The following UBAP1 variants were observed in gnomAD, a reference collection of about 807,000 sequenced individuals.
UBAP1 encodes ubiquitin associated protein 1, also known as ubiquitin-associated protein 1.
Under a neutral mutation model 39.0 loss-of-function variants are expected in UBAP1, and 5 were observed. The ratio of observed to expected loss-of-function variants is 0.13; its 90% CI spans 0.07 to 0.27. The LOEUF (loss-of-function observed/expected upper bound fraction) is 0.27, where lower values mean the gene tolerates loss of function less well. Ranked by LOEUF, UBAP1 falls within the 10% of genes least tolerant of loss-of-function variation. The probability of loss-of-function intolerance (pLI) is 1.00; values close to 1 mark genes in which losing one functional copy is unlikely to be tolerated. For missense variants in UBAP1, 490 were observed against 608.1 expected, an observed-to-expected ratio of 0.81 and a Z score of 2.04; for synonymous variants, 211 against 225.1, an observed-to-expected ratio of 0.94 and a Z score of 0.56.
intron 1 of UBAP1, among the ~76,000 whole-genome samples, chr9:34,203,555 A>G (rs1831518699): frequency 6.6e-6 from 1 of 152,202 alleles, no homozygotes. Flanking sequence ...GAAGACAGAC[A>G]ATAAACAAAT....
chr9:34,211,222 T>G (rs983321398), intron 1 of UBAP1, among the ~76,000 whole-genome samples: 1 of 152,176 alleles, frequency 6.6e-6, no homozygotes, highest in Non-Finnish European at 1.5e-5. Context: ...ATGAGGGAGC[T>G]GAGGCTCCAA....
chr9:34,181,633 TGG>T, intron 1 of UBAP1, among the ~76,000 whole-genome samples: 1 of 143,282 alleles, frequency 7.0e-6, no homozygotes, highest in East Asian at 2.3e-4. Flanking sequence ...GGGGTTTCAC[TGG>T]GTTAGCCAGG....
chr9:34,211,794 C>T (rs1474238143), intron 1 of UBAP1, among the ~76,000 whole-genome samples: 1 of 152,150 alleles, frequency 6.6e-6, no homozygotes. Flanking sequence ...CTGCATTTCT[C>T]TTGTTACCTG....
At chr9:34,247,655 C>T (rs1333642455) in intron 4 of UBAP1, among the ~76,000 whole-genome samples, 6 of 152,096 alleles carry the variant, frequency 3.9e-5, no homozygotes, top group Non-Finnish European at 5.9e-5. Flanking sequence ...AACTCCCGAC[C>T]TCAGGTGGTC....
At chr9:34,250,889 G>A in intron 6 of UBAP1, 130 bp downstream of exon 6, 1 of 769,764 alleles carries the variant, frequency 1.3e-6, no homozygotes. Context: ...TATTTGAAGG[G>A]CAGAATCTCC....
chr9:34,204,917 G>A (rs1203039813), intron 1 of UBAP1, among the ~76,000 whole-genome samples: 2 of 152,164 alleles, frequency 1.3e-5, no homozygotes, highest in Admixed American at 1.3e-4. Context: ...TGAGGACACT[G>A]CACTGAACTC....
rs560703776 is a variant in UBAP1 at position 34,242,812 on chromosome 9, G to A, written c.1083+704G>A. On this transcript the variant is annotated intron_variant, in intron 4 of 6. Coordinates refer to ENST00000297661, the MANE Select transcript of UBAP1 (RefSeq NM_016525.5). ...ATTCCTGGGATTACAGGGGTGAGCC[G>A]CTGTGTCCGGCCAGCTTACAGATTT... 3.3e-5 allele frequency among the ~76,000 whole-genome samples: 5 copies of A among 152,196 alleles called. No homozygotes were observed. In the East Asian group the frequency reaches 5.8e-4, roughly 18 times the overall value.
At chr9:34,233,749 T>C (rs1287264305) in intron 2 of UBAP1, among the ~76,000 whole-genome samples, 1 of 152,112 alleles carries the variant, frequency 6.6e-6, no homozygotes, top group East Asian at 1.9e-4. Flanking sequence ...GTAGTACTTT[T>C]AAGTAGGGCG....
intron 2 of UBAP1, among the ~76,000 whole-genome samples, chr9:34,232,140 G>A (rs1411949658): frequency 6.6e-6 from 1 of 152,052 alleles, no homozygotes; most frequent in Non-Finnish European, 1.5e-5. Context: ...GACTACAGGC[G>A]TGTGCCACTA....
chr9:34,247,455 C>CAACCAG (rs1456347977), intron 4 of UBAP1, among the ~76,000 whole-genome samples: 1 of 152,010 alleles, frequency 6.6e-6, no homozygotes, highest in African/African-American at 2.4e-5. Flanking sequence ...GACGGTGTCT[C>CAACCAG]GCTGTGTCAA....
intron 2 of UBAP1, among the ~76,000 whole-genome samples, chr9:34,231,234 A>G (rs1400225235): frequency 6.7e-6 from 1 of 150,196 alleles, no homozygotes; most frequent in Non-Finnish European, 1.5e-5. Flanking sequence ...TTATTTATTT[A>G]TTTATTTTGA....
chr9:34,214,987 C>T (rs893084736), intron 1 of UBAP1, among the ~76,000 whole-genome samples: 5 of 152,014 alleles, frequency 3.3e-5, no homozygotes, highest in African/African-American at 9.7e-5. Context: ...TAGATGTTGG[C>T]GTGGATGCAG....
At chr9:34,183,944 G>A (rs558985636) in intron 1 of UBAP1, among the ~76,000 whole-genome samples, 22 of 151,862 alleles carry the variant, frequency 1.4e-4, no homozygotes, top group African/African-American at 4.6e-4. Flanking sequence ...CTAATTTTGT[G>A]TTTTTAGTAG....
At chr9:34,185,812 C>T (rs1187874277) in intron 1 of UBAP1, among the ~76,000 whole-genome samples, 1 of 152,204 alleles carries the variant, frequency 6.6e-6, no homozygotes, top group Admixed American at 6.5e-5. Flanking sequence ...TGCCACTGCA[C>T]TCCAGCCTGG....
intron 1 of UBAP1, among the ~76,000 whole-genome samples, chr9:34,218,756 A>C (rs1187560733): frequency 1.3e-5 from 2 of 152,090 alleles, no homozygotes; most frequent in Non-Finnish European, 2.9e-5. Flanking sequence ...CAACATGGCA[A>C]AACCCCGTTT....
chr9:34,216,356 C>G (rs901991281), intron 1 of UBAP1, among the ~76,000 whole-genome samples: 2 of 152,108 alleles, frequency 1.3e-5, no homozygotes, highest in Non-Finnish European at 2.9e-5. Context: ...GAGACCCTTA[C>G]CAACTACACA....
chr9:34,246,037 C>G (rs1834160259), intron 4 of UBAP1, among the ~76,000 whole-genome samples: 1 of 151,988 alleles, frequency 6.6e-6, no homozygotes, highest in South Asian at 2.1e-4. Flanking sequence ...CCACTGCTAC[C>G]CCCTTTCCTT....
chr9:34,186,955 G>A (rs941496513), intron 1 of UBAP1, among the ~76,000 whole-genome samples: 2 of 151,460 alleles, frequency 1.3e-5, no homozygotes, highest in African/African-American at 2.4e-5. Context: ...TTGCCCATGC[G>A]GGAGTGCAAT....
chr9:34,186,945 T>C (rs982799527), intron 1 of UBAP1, among the ~76,000 whole-genome samples: 1 of 152,190 alleles, frequency 6.6e-6, no homozygotes, highest in African/African-American at 2.4e-5. Context: ...TTCGCTCTTG[T>C]TGCCCATGCG....
Sources: allele counts gnomAD v4.1 joint callset (sites outside exome capture counted in the v4.1 genomes callset), GRCh38; gene constraint gnomAD v4.1.1; transcripts MANE v1.5; gene names NCBI Gene and HGNC (gene_info 2026-07-23, HGNC 2026-07-21).